Variants in MRPL21 observed in about 807,000 individuals in gnomAD.
The protein encoded by MRPL21 is large ribosomal subunit protein bL21m.
In MRPL21, 20 loss-of-function variants were observed where a neutral mutation model predicts 27.3. The observed-to-expected ratio is 0.73, with a 90% CI of 0.52 to 1.06. The LOEUF is 1.06. Ranked by LOEUF, MRPL21 falls within the 50% of genes least tolerant of loss-of-function variation. The probability of loss-of-function intolerance (pLI) is 0.00; values close to 1 mark genes in which losing one functional copy is unlikely to be tolerated. For missense variants in MRPL21, 249 were observed against 251.4 expected (o/e 0.99, Z 0.06); for synonymous variants, 98 against 101.5 (o/e 0.97, Z 0.21).
chr11:68,891,453 A>G, intron 6 of MRPL21, 58 bp from the exon 7 acceptor site: 1 of 1,562,768 alleles, frequency 6.4e-7, no homozygotes, highest in Non-Finnish European at 8.8e-7. Flanking sequence ...CATCAGTTAC[A>G]GCAGGGGCTC....
intron 4 of MRPL21, among the ~76,000 whole-genome samples, chr11:68,894,655 T>G (rs974006744): frequency 5.3e-5 from 8 of 152,194 alleles, no homozygotes; most frequent in Non-Finnish European, 8.8e-5. Context: ...ATACTCAACT[T>G]AAATGTCTAG....
At chr11:68,893,081 T>A in intron 5 of MRPL21, 88 bp from the exon 6 acceptor site, 1 of 1,418,248 alleles carries the variant, frequency 7.1e-7, no homozygotes, top group African/African-American at 1.4e-5. Context: ...AAGTTATACT[T>A]TCTCTTTTGT....
At chr11:68,898,634 G>A (rs1354052181) in intron 2 of MRPL21, among the ~76,000 whole-genome samples, 3 of 152,228 alleles carry the variant, frequency 2.0e-5, no homozygotes, top group Non-Finnish European at 4.4e-5. Context: ...CCGCCTGAAA[G>A]GGCTGTGTTA....
At chr11:68,902,096 G>C (rs1223888754) in intron 1 of MRPL21, among the ~76,000 whole-genome samples, 2 of 152,224 alleles carry the variant, frequency 1.3e-5, no homozygotes, top group African/African-American at 4.8e-5. Context: ...CCTTTAGGTA[G>C]TCCTAGAGAC....
chr11:68,897,852 G>A (rs1857836378), intron 3 of MRPL21, 75 bp downstream of exon 3: 6 of 1,134,930 alleles, frequency 5.3e-6, no homozygotes, highest in South Asian at 3.8e-5. Flanking sequence ...CTGTGGCCTG[G>A]TGACAACCTC....
chr11:68,896,615 A>G lies in MRPL21; in HGVS notation c.296T>C (p.Val99Ala), dbSNP rs751820032. ...CTTCCACTGGCGGCTGGCAAAGTGC[A>G]CCACGGCAAAGAGCCTGCCATACTG... ...TGQYGRLFAV[V>A]HFASRQWKVT... Residue 99 changes from valine (V) to alanine (A), a missense_variant, in exon 4 of 7, where the codon GTG (valine) becomes GCG (alanine). Physicochemically the swap from Val to Ala is moderately conservative, Grantham distance 64. Coordinates refer to ENST00000362034, the MANE Select transcript of MRPL21 (RefSeq NM_181514.2). The G allele has an allele frequency of 1.2e-6, 2 of 1,614,172 alleles. No homozygotes were observed. Among genetic ancestry groups the G allele is most frequent in the South Asian group, 2.2e-5 (2 of 91,084 alleles).
intron 6 of MRPL21, 127 bp from the exon 7 acceptor site, chr11:68,891,522 G>T: frequency 1.1e-6 from 1 of 879,222 alleles, no homozygotes; most frequent in Non-Finnish European, 1.9e-6. Flanking sequence ...GCACATGGCC[G>T]TGTTTATCTC....
At chr11:68,891,988 G>A (rs1477903420) in intron 6 of MRPL21, 2 of 917,546 alleles carry the variant, frequency 2.2e-6, no homozygotes, top group African/African-American at 1.7e-5. Context: ...CCTGCTTGCG[G>A]ATTCACTGCT....
At chr11:68,903,158 C>T (rs1226023190) in intron 1 of MRPL21, among the ~76,000 whole-genome samples, 3 of 152,106 alleles carry the variant, frequency 2.0e-5, no homozygotes, top group African/African-American at 7.2e-5. Flanking sequence ...AGACATGAAA[C>T]CCAGGTTTAA....
chr11:68,903,089 C>T (rs189281042), intron 1 of MRPL21, among the ~76,000 whole-genome samples: 2 of 152,304 alleles, frequency 1.3e-5, no homozygotes, highest in African/African-American at 2.4e-5. Flanking sequence ...TGGTACTATT[C>T]TTTTAATATC....
At position 68,891,348 on chromosome 11, in the gene MRPL21, C is replaced by G. The variant is rs1370409159; in HGVS notation, c.601G>C (p.Ala201Pro). Residue 201 changes from alanine (A) to proline (P), a missense_variant, in exon 7 of 7, where the codon GCT becomes CCT. Coordinates refer to ENST00000362034, the MANE Select transcript of MRPL21 (RefSeq NM_181514.2). ...CTCGGTAATCACAACAAACACGGAG[C>G]AATCTCAATGCTGTTTATCCGGAGG... ...TVLRINSIEI[A>P]PCLL The G allele has an allele frequency of 6.2e-7, 1 of 1,613,936 alleles. No individual in the cohort carries two copies. Among genetic ancestry groups the G allele is most frequent in the Admixed American group, 1.7e-5 (1 of 60,004 alleles).
chr11:68,896,726 C>T (rs572690949), intron 3 of MRPL21, 48 bp from the exon 4 acceptor site: 5 of 1,607,632 alleles, frequency 3.1e-6, no homozygotes, highest in Non-Finnish European at 4.2e-6. Flanking sequence ...CCTGCTCCCC[C>T]ACGCGCTGCA....
chr11:68,902,221 C>T (rs904598529), intron 1 of MRPL21, among the ~76,000 whole-genome samples: 3 of 152,184 alleles, frequency 2.0e-5, no homozygotes, highest in African/African-American at 7.2e-5. Flanking sequence ...TCTCCTAATG[C>T]GTGAGTCTGT....
In MRPL21 at chr11:68,903,790, C is replaced by A; in HGVS notation, c.21G>T (p.Thr7=). MAASSL[T]VTLGRLASAC... Reference sequence around the variant, plus strand: ...CGGACGCCAGCCGCCCTAAGGTGACCGTCAGGGAAGATGCTGCCATGGCCG... The same window carrying A: ...CGGACGCCAGCCGCCCTAAGGTGACAGTCAGGGAAGATGCTGCCATGGCCG... The change falls in exon 1 of 7, where the codon ACG becomes ACT. Residue 7 remains threonine, a synonymous_variant. Coordinates refer to ENST00000362034, the MANE Select transcript of MRPL21 (RefSeq NM_181514.2). 6.2e-7 allele frequency: 1 copy of A among 1,613,098 alleles called. No individual in the cohort carries two copies.
Position 68,891,312 on chromosome 11 carries a change from G to GT in MRPL21, c.*18dup. 6.2e-7 allele frequency: 1 copy of GT among 1,612,036 alleles called. No individual in the cohort carries two copies. Among genetic ancestry groups the GT allele is most frequent in the Non-Finnish European group, 8.5e-7 (1 of 1,178,190 alleles). ...AGCAGGAGTTTATTTTTATCCTTTTGTAAGTATTAACTCGGTAATCACAAC... is the reference window on the plus strand; with the variant it reads ...AGCAGGAGTTTATTTTTATCCTTTTGTTAAGTATTAACTCGGTAATCACAAC... On this transcript the variant is annotated 3_prime_UTR_variant, in exon 7 of 7. Coordinates refer to ENST00000362034, the MANE Select transcript of MRPL21 (RefSeq NM_181514.2).
chr11:68,903,597 G>A (rs1227675811), intron 1 of MRPL21, 126 bp downstream of exon 1: 3 of 964,408 alleles, frequency 3.1e-6, no homozygotes, highest in East Asian at 2.4e-5. Context: ...CAAAACCCGT[G>A]CTATATTCAC....
chr11:68,899,992 G>C (rs1857893821), intron 2 of MRPL21, among the ~76,000 whole-genome samples: 1 of 152,206 alleles, frequency 6.6e-6, no homozygotes, highest in Admixed American at 6.5e-5. Flanking sequence ...GCACCCCGGG[G>C]GGGTCCCTAC....
intron 3 of MRPL21, among the ~76,000 whole-genome samples, chr11:68,897,266 C>G (rs1857818490): frequency 6.6e-6 from 1 of 152,144 alleles, no homozygotes; most frequent in African/African-American, 2.4e-5. Context: ...ACCGTTTACT[C>G]TGAACAAGCA....
chr11:68,891,913 GC>G, intron 6 of MRPL21: 1 of 512,534 alleles, frequency 2.0e-6, no homozygotes, highest in Non-Finnish European at 3.2e-6. Context: ...CCCCGTGGGT[GC>G]CATCCCTCAG....
Sources: gnomAD v4.1 joint callset for allele counts (sites outside exome capture counted in the v4.1 genomes callset) on GRCh38, gnomAD v4.1.1 for gene constraint, MANE v1.5 for transcripts, NCBI Gene and HGNC (gene_info 2026-07-23, HGNC 2026-07-21) for gene names.